The following CHEK2 variants were observed in gnomAD, a reference collection of about 807,000 sequenced individuals.
CHEK2 encodes the protein serine/threonine-protein kinase Chk2.
A neutral mutation model predicts 69.1 loss-of-function variants in CHEK2; 71 were observed. That is an observed-to-expected ratio of 1.03 (90% CI 0.85 to 1.25). The LOEUF (loss-of-function observed/expected upper bound fraction) is 1.25, where lower values mean the gene tolerates loss of function less well. CHEK2 is among the 50% of genes most tolerant of loss of function. The pLI, the probability that CHEK2 is intolerant of heterozygous loss-of-function variation, is 0.00. For synonymous variants in CHEK2, 189 were observed against 226.9 expected (o/e 0.83, Z 1.50); for missense variants, 664 against 649.6 (o/e 1.02, Z -0.24).
intron 8 of CHEK2, among the ~76,000 whole-genome samples, chr22:28,702,481 G>A (rs964851673): frequency 6.7e-5 from 10 of 149,560 alleles, no homozygotes; most frequent in South Asian, 2.1e-4. Flanking sequence ...CTTGTGATCC[G>A]CCCGCCTTGG....
intron 5 of CHEK2, among the ~76,000 whole-genome samples, chr22:28,713,689 C>CT (rs932652432): frequency 7.7e-4 from 106 of 137,226 alleles, no homozygotes; most frequent in African/African-American, 2.4e-3. Flanking sequence ...CACTTGTTTG[C>CT]TTTTTTTTTG....
intron 7 of CHEK2, chr22:28,708,805 T>C (rs1208679471): frequency 4.5e-6 from 1 of 219,886 alleles, no homozygotes; most frequent in Admixed American, 5.6e-5. Context: ...CTACTAAAAA[T>C]ACAAAAAATT....
chr22:28,733,116 T>G (rs1016910215), intron 2 of CHEK2, among the ~76,000 whole-genome samples: 1 of 152,208 alleles, frequency 6.6e-6, no homozygotes, highest in Non-Finnish European at 1.5e-5. Context: ...ACATGTGTAT[T>G]TTAAACATAT....
intron 1 of CHEK2, among the ~76,000 whole-genome samples, chr22:28,736,130 G>A (rs767294975): frequency 3.9e-5 from 6 of 152,224 alleles, no homozygotes; most frequent in East Asian, 1.9e-4. Flanking sequence ...AAACTATGAC[G>A]TTTGGTATCT....
At chr22:28,722,962 A>G (rs1296622528) in intron 4 of CHEK2, among the ~76,000 whole-genome samples, 1 of 152,142 alleles carries the variant, frequency 6.6e-6, no homozygotes, top group East Asian at 1.9e-4. Flanking sequence ...TCGCACACAC[A>G]TAGACACCCT....
chr22:28,708,163 G>A (rs2053229005), intron 7 of CHEK2, among the ~76,000 whole-genome samples: 1 of 151,914 alleles, frequency 6.6e-6, no homozygotes, highest in Non-Finnish European at 1.5e-5. Context: ...TTAAGGGTAG[G>A]TCTGATGCAA....
chr22:28,734,162 A>G (rs2054300307), intron 2 of CHEK2, among the ~76,000 whole-genome samples: 1 of 152,158 alleles, frequency 6.6e-6, no homozygotes, highest in African/African-American at 2.4e-5. Flanking sequence ...AGACTTTGCT[A>G]CAAGGGCTCT....
chr22:28,741,148 CAAAAAAAAAA>C (rs71194792), intron 1 of CHEK2, among the ~76,000 whole-genome samples: 1 of 51,162 alleles, frequency 2.0e-5, no homozygotes, highest in Non-Finnish European at 4.1e-5. Context: ...GACTCCGTCT[CAAAAAAAAAA>C]AAAAAAAAAA....
chr22:28,710,130 A>C, intron 6 of CHEK2, 71 bp from the exon 7 acceptor site: 2 of 1,107,642 alleles, frequency 1.8e-6, no homozygotes, highest in Non-Finnish European at 2.7e-6. Flanking sequence ...ATTTACAGTT[A>C]AACTCAGTTG....
At chr22:28,708,402 T>TGTGTGTGTGTGTG (rs1569135425) in intron 7 of CHEK2, among the ~76,000 whole-genome samples, 10 of 146,828 alleles carry the variant, frequency 6.8e-5, no homozygotes, top group South Asian at 2.2e-4. Flanking sequence ...TGTGTGTGTG[T>TGTGTGTGTGTGTG]TAAAGAGAGA....
Position 28,710,078 on chromosome 22 carries a change from C to T in CHEK2, c.793-19G>A. The stretch of plus-strand genomic sequence containing the variant: ...CTGGGTCCTTTGATAAACAGAATAA[C>T]AGAGTTTATTAGTAATAATAATTGC... On this transcript the variant is annotated intron_variant, in intron 6 of 14. Transcript: ENST00000404276. 1 of 1,502,540 alleles carries T rather than the reference C, an allele frequency of 6.7e-7. No individual in the cohort carries two copies. Among genetic ancestry groups the T allele is most frequent in the African/African-American group, 1.4e-5 (1 of 72,594 alleles). The allele number at this position is 1,502,540 out of a possible 1,614,324, so 93.1% of individuals were successfully genotyped here.
rs200020484 is a variant in CHEK2 at position 28,696,882 on chromosome 22, C to T, written c.1095+19G>A. ...AAGAATCTACAGGAATAGCCACATA[C>T]AGAATGCCAATTTCTTACCTTTATA... On this transcript the variant is annotated intron_variant, in intron 10 of 14. Transcript: ENST00000404276. 1.2e-4 allele frequency: 186 copies of T among 1,542,484 alleles called. 1 individual carries two copies. In the Middle Eastern group the frequency reaches 2.4e-3, roughly 20 times the overall value.
chr22:28,695,703 T>C lies in CHEK2; in HGVS notation c.1259+7A>G, dbSNP rs1057523752. The C allele has an allele frequency of 6.2e-7, 1 of 1,612,500 alleles. No homozygotes were observed. The highest frequency in any genetic ancestry group is 8.5e-7 in the Non-Finnish European group (1 of 1,178,540). ...CCAGTCTGTGCAGCAATGAAAATATTTCTTACCAGATAAAAAGAATAACTC... is the reference window on the plus strand; with the variant it reads ...CCAGTCTGTGCAGCAATGAAAATATCTCTTACCAGATAAAAAGAATAACTC... On this transcript the variant is annotated splice_region_variant and intron_variant, in intron 11 of 14. Coordinates refer to ENST00000404276, the MANE Select transcript of CHEK2 (RefSeq NM_007194.4).
At chr22:28,691,497 A>G (rs548693480) in intron 13 of CHEK2, among the ~76,000 whole-genome samples, 3 of 152,408 alleles carry the variant, frequency 2.0e-5, no homozygotes, top group South Asian at 4.1e-4. Context: ...AAATAAATAA[A>G]TAAACATTGA....
At chr22:28,726,436 AT>A (rs981449426) in intron 2 of CHEK2, 1 of 147,042 alleles carries the variant, frequency 6.8e-6, no homozygotes, top group African/African-American at 2.5e-5. Flanking sequence ...TATATAATAT[AT>A]ATAATTTGTA....
chr22:28,696,459 T>C (rs189453920), intron 10 of CHEK2, among the ~76,000 whole-genome samples: 2 of 152,356 alleles, frequency 1.3e-5, no homozygotes, highest in Admixed American at 6.5e-5. Context: ...CTGCAACTTC[T>C]GCCTCCCAGG....
At chr22:28,725,590 G>T (rs1463842631) in intron 2 of CHEK2, among the ~76,000 whole-genome samples, 1 of 152,220 alleles carries the variant, frequency 6.6e-6, no homozygotes, top group African/African-American at 2.4e-5. Flanking sequence ...GCCAGGCACA[G>T]TGGCTCACAC....
chr22:28,728,972 C>CT (rs763849929), intron 2 of CHEK2, among the ~76,000 whole-genome samples: 6,294 of 18,834 alleles, frequency 0.33, 157 homozygotes, highest in South Asian at 0.47. Context: ...GAGACCCTGT[C>CT]TCAAAAAAAA....
At chr22:28,707,773 T>C (rs557794445) in intron 7 of CHEK2, among the ~76,000 whole-genome samples, 1 of 151,842 alleles carries the variant, frequency 6.6e-6, no homozygotes, top group African/African-American at 2.4e-5. Flanking sequence ...TTTGTACAAA[T>C]GTTATGTTTG....
Sources: gnomAD v4.1 joint callset for allele counts (sites outside exome capture counted in the v4.1 genomes callset) on GRCh38, gnomAD v4.1.1 for gene constraint, MANE v1.5 for transcripts, NCBI Gene and HGNC (gene_info 2026-07-23, HGNC 2026-07-21) for gene names.